SLC39A11: variants seen among roughly 807,000 people sequenced by gnomAD.
The protein encoded by SLC39A11 is solute carrier family 39 member 11.
SLC39A11 carries 33 observed loss-of-function variants against 36.1 expected under a neutral mutation model. The observed-to-expected ratio is 0.91, with a 90% confidence interval of 0.69 to 1.22. The LOEUF (loss-of-function observed/expected upper bound fraction) is 1.22, where lower values mean the gene tolerates loss of function less well. SLC39A11 is among the 50% of genes most tolerant of loss of function. The probability of loss-of-function intolerance (pLI) is 0.00; values close to 1 mark genes in which losing one functional copy is unlikely to be tolerated. For synonymous variants in SLC39A11, 166 were observed against 170.3 expected (o/e 0.97, Z 0.20); for missense variants, 432 against 430.3 (o/e 1.00, Z -0.03).
chr17:72,769,409 T>A (rs981736316), intron 6 of SLC39A11, among the ~76,000 whole-genome samples: 1 of 152,202 alleles, frequency 6.6e-6, no homozygotes, highest in African/African-American at 2.4e-5. Flanking sequence ...ACAACATGGA[T>A]GAACCTTGTG....
intron 7 of SLC39A11, among the ~76,000 whole-genome samples, chr17:72,657,786 C>T (rs1245394088): frequency 6.6e-6 from 1 of 152,208 alleles, no homozygotes; most frequent in African/African-American, 2.4e-5. Flanking sequence ...ATACAGAATC[C>T]TACAAGCTAA....
chr17:72,878,318 G>C (rs575848048), intron 5 of SLC39A11, among the ~76,000 whole-genome samples: 1 of 152,150 alleles, frequency 6.6e-6, no homozygotes, highest in Non-Finnish European at 1.5e-5. Context: ...AAGGGTATCT[G>C]GATGTTTCAC....
chr17:72,961,126 T>C (rs1434014103), intron 4 of SLC39A11, among the ~76,000 whole-genome samples: 1 of 152,226 alleles, frequency 6.6e-6, no homozygotes, highest in African/African-American at 2.4e-5. Flanking sequence ...GGAGGCCTGT[T>C]CTCATCACCT....
chr17:72,919,480 G>A (rs2083515379), intron 5 of SLC39A11, among the ~76,000 whole-genome samples: 1 of 151,930 alleles, frequency 6.6e-6, no homozygotes, highest in South Asian at 2.1e-4. Flanking sequence ...AAATTGATCT[G>A]CTTCCCAGAA....
At chr17:72,679,996 C>T (rs574066900) in intron 7 of SLC39A11, among the ~76,000 whole-genome samples, 157 of 126,830 alleles carry the variant, frequency 1.2e-3, no homozygotes, top group African/African-American at 4.8e-3. Flanking sequence ...GAGCCAAGAT[C>T]GAGCTACTGC....
At chr17:73,034,220 G>A (rs2058831025) in intron 3 of SLC39A11, among the ~76,000 whole-genome samples, 1 of 152,168 alleles carries the variant, frequency 6.6e-6, no homozygotes, top group Non-Finnish European at 1.5e-5. Context: ...AGATGGAAAG[G>A]TGCCCGTTCT....
At chr17:72,770,341 G>T (rs1301371652) in intron 6 of SLC39A11, among the ~76,000 whole-genome samples, 2 of 152,224 alleles carry the variant, frequency 1.3e-5, no homozygotes, top group African/African-American at 4.8e-5. Context: ...GGTGTCTCAT[G>T]GAGGTAGAGT....
At chr17:73,044,805 A>T (rs1272428757) in intron 3 of SLC39A11, among the ~76,000 whole-genome samples, 1 of 147,968 alleles carries the variant, frequency 6.8e-6, no homozygotes, top group Non-Finnish European at 1.5e-5. Context: ...TGAACCTGGG[A>T]GGTGGAGGTT....
chr17:72,781,235 C>T (rs563117405), intron 6 of SLC39A11, among the ~76,000 whole-genome samples: 3 of 152,274 alleles, frequency 2.0e-5, no homozygotes, highest in East Asian at 1.9e-4. Flanking sequence ...CATGAATCCA[C>T]GATCCTCTCA....
At chr17:72,650,260 T>C (rs2069790746) in intron 7 of SLC39A11, among the ~76,000 whole-genome samples, 1 of 152,224 alleles carries the variant, frequency 6.6e-6, no homozygotes, top group Non-Finnish European at 1.5e-5. Context: ...TGCTGATAGA[T>C]GCCTGTCTTT....
chr17:72,967,008 C>A (rs537053902), intron 4 of SLC39A11, among the ~76,000 whole-genome samples: 1 of 152,156 alleles, frequency 6.6e-6, no homozygotes, highest in African/African-American at 2.4e-5. Context: ...ATCTAGGTTG[C>A]GCGTTCCTTA....
chr17:72,976,560 G>A (rs1412009953), intron 4 of SLC39A11, among the ~76,000 whole-genome samples: 1 of 152,100 alleles, frequency 6.6e-6, no homozygotes, highest in Non-Finnish European at 1.5e-5. Flanking sequence ...GCACAGAAAT[G>A]TCTCTGTTGG....
chr17:73,002,065 T>C (rs2089854378), intron 4 of SLC39A11, among the ~76,000 whole-genome samples: 1 of 152,144 alleles, frequency 6.6e-6, no homozygotes, highest in South Asian at 2.1e-4. Flanking sequence ...TAAGCATATC[T>C]GCACAGATTG....
At chr17:73,058,620 G>A (rs2059744755) in intron 3 of SLC39A11, among the ~76,000 whole-genome samples, 1 of 152,222 alleles carries the variant, frequency 6.6e-6, no homozygotes, top group African/African-American at 2.4e-5. Flanking sequence ...CTCCTAGGGA[G>A]AAAGAGGCAA....
chr17:72,962,827 G>A (rs1034719592), intron 4 of SLC39A11, among the ~76,000 whole-genome samples: 6 of 152,254 alleles, frequency 3.9e-5, no homozygotes, highest in South Asian at 4.2e-4. Flanking sequence ...GTGAGCCATC[G>A]GGCCCGGCCA....
intron 4 of SLC39A11, among the ~76,000 whole-genome samples, chr17:73,008,917 C>T (rs192098178): frequency 1.3e-5 from 2 of 151,968 alleles, no homozygotes; most frequent in East Asian, 3.9e-4. Context: ...ATAAAATAGG[C>T]AGGCGTGGCA....
At chr17:72,813,642 CAGA>C (rs1171409935) in intron 6 of SLC39A11, among the ~76,000 whole-genome samples, 1 of 152,212 alleles carries the variant, frequency 6.6e-6, no homozygotes, top group Non-Finnish European at 1.5e-5. Context: ...GAGAGAAAAG[CAGA>C]AGTTGATCAC....
At chr17:73,032,147 T>G (rs1159109444) in intron 3 of SLC39A11, among the ~76,000 whole-genome samples, 3 of 151,828 alleles carry the variant, frequency 2.0e-5, no homozygotes, top group African/African-American at 7.3e-5. Flanking sequence ...AGCACACCCC[T>G]GACAACAAAG....
chr17:72,780,045 T>A (rs529413225), intron 6 of SLC39A11, among the ~76,000 whole-genome samples: 179 of 152,308 alleles, frequency 1.2e-3, no homozygotes, highest in African/African-American at 4.1e-3. Context: ...TGGTCAAGCA[T>A]TGACCATCCC....
Sources: gnomAD v4.1 joint callset for allele counts (sites outside exome capture counted in the v4.1 genomes callset) on GRCh38, gnomAD v4.1.1 for gene constraint, MANE v1.5 for transcripts, NCBI Gene and HGNC (gene_info 2026-07-23, HGNC 2026-07-21) for gene names.